The following CNTNAP2 variants were observed in gnomAD, a reference collection of about 807,000 sequenced individuals.
The protein encoded by CNTNAP2 is contactin associated protein 2.
In CNTNAP2, 98 loss-of-function variants were observed where a neutral mutation model predicts 155.2. That is an observed-to-expected ratio of 0.63 (90% CI 0.54 to 0.75). The LOEUF (loss-of-function observed/expected upper bound fraction) is 0.75. Among genes scored for constraint, CNTNAP2 ranks in the 30% least tolerant of loss-of-function variants. The pLI, the probability that CNTNAP2 is intolerant of heterozygous loss-of-function variation, is 0.00. For missense variants in CNTNAP2, 1,727 were observed against 1,688.1 expected, an observed-to-expected ratio of 1.02 and a Z score of -0.40; for synonymous variants, 651 against 631.2, an observed-to-expected ratio of 1.03 and a Z score of -0.47.
chr7:147,057,214 G>A (rs1799579255), intron 4 of CNTNAP2, among the ~76,000 whole-genome samples: 1 of 152,194 alleles, frequency 6.6e-6, no homozygotes, highest in Non-Finnish European at 1.5e-5. Context: ...AGAATGCAAT[G>A]TGTTTCCTCC....
intron 2 of CNTNAP2, among the ~76,000 whole-genome samples, chr7:146,786,034 G>A (rs559712070): frequency 2.0e-5 from 3 of 152,106 alleles, no homozygotes; most frequent in African/African-American, 7.2e-5. Context: ...ACAAGTAGCC[G>A]TTTGGGAAGC....
intron 18 of CNTNAP2, among the ~76,000 whole-genome samples, chr7:148,212,182 TA>T (rs1795563678): frequency 6.6e-6 from 1 of 151,852 alleles, no homozygotes; most frequent in Non-Finnish European, 1.5e-5. Flanking sequence ...GGGATTTGGT[TA>T]AACAAGGAGA....
At chr7:147,054,785 G>A (rs183492234) in intron 4 of CNTNAP2, among the ~76,000 whole-genome samples, 34 of 152,156 alleles carry the variant, frequency 2.2e-4, no homozygotes, top group African/African-American at 5.8e-4. Flanking sequence ...ACTTGAATTA[G>A]AAATCAGTGA....
chr7:147,757,983 TTTGC>T (rs1357994068), intron 13 of CNTNAP2, among the ~76,000 whole-genome samples: 1 of 152,160 alleles, frequency 6.6e-6, no homozygotes, highest in Non-Finnish European at 1.5e-5. Flanking sequence ...GAAAGATAGA[TTTGC>T]TTCAAATAAT....
At chr7:146,763,117 C>T (rs373848485) in intron 1 of CNTNAP2, among the ~76,000 whole-genome samples, 1 of 152,302 alleles carries the variant, frequency 6.6e-6, no homozygotes, top group East Asian at 1.9e-4. Flanking sequence ...GCTTCCATCC[C>T]AGTCTTCTGC....
chr7:147,183,346 A>G (rs550102448), intron 8 of CNTNAP2, among the ~76,000 whole-genome samples: 11 of 152,326 alleles, frequency 7.2e-5, no homozygotes, highest in African/African-American at 2.4e-4. Context: ...ATAAATAAGC[A>G]CTATCTTTAA....
chr7:146,443,754 A>G lies in CNTNAP2; in HGVS notation c.97+326781A>G, dbSNP rs60854104. 4.8e-3 allele frequency among the ~76,000 whole-genome samples: 727 copies of G among 152,336 alleles called. 7 individuals are homozygous for G. Among genetic ancestry groups the G allele is most frequent in the African/African-American group, 0.017 (700 of 41,570 alleles). ...ACATCTAGATTAAGAGGCAAAAGACAGAGCTGCTATCCTAGCGCTGTCAAT... is the reference window on the plus strand; with the variant it reads ...ACATCTAGATTAAGAGGCAAAAGACGGAGCTGCTATCCTAGCGCTGTCAAT... On this transcript the variant is annotated intron_variant, in intron 1 of 23. Transcript: ENST00000361727.
chr7:146,758,654 T>G (rs1164348599), intron 1 of CNTNAP2, among the ~76,000 whole-genome samples: 1 of 152,120 alleles, frequency 6.6e-6, no homozygotes, highest in Non-Finnish European at 1.5e-5. Flanking sequence ...CATCAGATCT[T>G]GTGATAGTTA....
At chr7:148,174,315 G>A (rs1794889350) in intron 18 of CNTNAP2, among the ~76,000 whole-genome samples, 1 of 152,202 alleles carries the variant, frequency 6.6e-6, no homozygotes, top group African/African-American at 2.4e-5. Context: ...TCTGCACTGA[G>A]GCAAGCTCCA....
intron 13 of CNTNAP2, among the ~76,000 whole-genome samples, chr7:147,726,898 G>A (rs1796652845): frequency 1.3e-5 from 2 of 151,946 alleles, no homozygotes; most frequent in Admixed American, 6.6e-5. Context: ...GTGGTGAGCT[G>A]TAGTTTCTGT....
At chr7:146,914,846 T>A (rs914208949) in intron 3 of CNTNAP2, among the ~76,000 whole-genome samples, 2 of 150,970 alleles carry the variant, frequency 1.3e-5, no homozygotes, top group African/African-American at 4.9e-5. Context: ...TGTTTTTTTG[T>A]TTTTTTTGCA....
Position 146,249,810 on chromosome 7 carries a change from G to A in CNTNAP2, c.97+132837G>A, listed in dbSNP as rs534848736. ...AACATAGCATTTTATTTCCTTGGCC[G>A]TTCATTAGATTAGAAATGTCAAGAA... is the stretch of plus-strand genomic sequence containing the variant. On this transcript the variant is annotated intron_variant, in intron 1 of 23. Transcript: ENST00000361727. Among the ~76,000 whole-genome samples, 21 of 151,588 alleles carry A rather than the reference G, an allele frequency of 1.4e-4. No individual in the cohort carries two copies. In the South Asian group the frequency reaches 2.7e-3, roughly 20 times the overall value.
intron 15 of CNTNAP2, among the ~76,000 whole-genome samples, chr7:147,991,440 G>A (rs906605353): frequency 1.3e-5 from 2 of 152,180 alleles, no homozygotes; most frequent in African/African-American, 4.8e-5. Context: ...TCCAAGAGAA[G>A]CACTATCACT....
chr7:146,682,441 G>T (rs996157924), intron 1 of CNTNAP2, among the ~76,000 whole-genome samples: 1 of 152,078 alleles, frequency 6.6e-6, no homozygotes, highest in Non-Finnish European at 1.5e-5. Flanking sequence ...TATTACATAG[G>T]TGACAATCAA....
At chr7:147,929,658 G>T (rs1413368294) in intron 14 of CNTNAP2, among the ~76,000 whole-genome samples, 1 of 152,092 alleles carries the variant, frequency 6.6e-6, no homozygotes, top group Non-Finnish European at 1.5e-5. Context: ...TATCCAAAAT[G>T]CCTGTATTTT....
chr7:147,874,264 C>T (rs939759796), intron 13 of CNTNAP2, among the ~76,000 whole-genome samples: 1 of 152,242 alleles, frequency 6.6e-6, no homozygotes, highest in Non-Finnish European at 1.5e-5. Context: ...CCCTTCTGCA[C>T]TGACCTAGGA....
At chr7:147,943,969 G>A (rs528555649) in intron 14 of CNTNAP2, among the ~76,000 whole-genome samples, 6 of 152,040 alleles carry the variant, frequency 3.9e-5, no homozygotes, top group South Asian at 2.1e-4. Context: ...CATCTCCATC[G>A]TTCAACTGTA....
At chr7:146,321,840 T>A (rs1007157803) in intron 1 of CNTNAP2, among the ~76,000 whole-genome samples, 1 of 152,166 alleles carries the variant, frequency 6.6e-6, no homozygotes, top group African/African-American at 2.4e-5. Flanking sequence ...GTTTAAAATA[T>A]CTAGAATGGA....
chr7:146,170,959 G>A (rs111322929), intron 1 of CNTNAP2, among the ~76,000 whole-genome samples: 33 of 152,140 alleles, frequency 2.2e-4, no homozygotes, highest in African/African-American at 7.5e-4. Context: ...CCTGGGGGGC[G>A]GAGGTTACAG....
Sources: allele counts gnomAD v4.1 joint callset (sites outside exome capture counted in the v4.1 genomes callset), GRCh38; gene constraint gnomAD v4.1.1; transcripts MANE v1.5; gene names NCBI Gene and HGNC (gene_info 2026-07-23, HGNC 2026-07-21).